The following IL4R variants were observed in gnomAD, a reference collection of about 807,000 sequenced individuals.
IL4R encodes interleukin 4 receptor, also known as interleukin-4 receptor subunit alpha.
A neutral mutation model predicts 41.5 loss-of-function variants in IL4R; 17 were observed. The observed-to-expected ratio is 0.41, with a 90% confidence interval of 0.28 to 0.61. IL4R has a LOEUF of 0.61. IL4R is among the 20% of genes least tolerant of loss of function. IL4R has a pLI of 0.31. For missense variants in IL4R, 974 were observed against 1,043.1 expected (o/e 0.93, Z 0.91); for synonymous variants, 402 against 422.9 (o/e 0.95, Z 0.61).
chr16:27,344,082 A>G (rs995603994), intron 4 of IL4R, among the ~76,000 whole-genome samples: 1 of 152,018 alleles, frequency 6.6e-6, no homozygotes, highest in African/African-American at 2.4e-5. Flanking sequence ...AGGTGGGCAG[A>G]TCACTTGAGG....
In IL4R at chr16:27,362,766, C is replaced by T. The variant is rs148476358; in HGVS notation, c.1414C>T (p.Pro472Ser). 14 of 1,614,008 alleles carry T rather than the reference C, an allele frequency of 8.7e-6. No individual in the cohort carries two copies. The highest frequency in any genetic ancestry group is 1.2e-5 in the Non-Finnish European group (14 of 1,180,028). Residue 472 changes from proline to serine, a missense_variant, in exon 11 of 11, where the codon CCT becomes TCT. By Grantham distance (74) the Pro-to-Ser change is moderately conservative (BLOSUM62 -1). Coordinates refer to ENST00000395762, the MANE Select transcript of IL4R (RefSeq NM_000418.4). The stretch of plus-strand genomic sequence containing the variant: ...GCCTCTCCACCTGGAGCCAAGTCCT[C>T]CTGCCAGCCCGACCCAGAGTCCAGA... ...EQPLHLEPSP[P>S]ASPTQSPDNL... is the part of the protein sequence containing the mutation.
At chr16:27,319,208 C>T (rs1258314724) in intron 1 of IL4R, among the ~76,000 whole-genome samples, 2 of 152,198 alleles carry the variant, frequency 1.3e-5, no homozygotes, top group Non-Finnish European at 2.9e-5. Context: ...TGGAACCAAA[C>T]AAGAAAGAGG....
At position 27,364,708 on chromosome 16, in the gene IL4R, T is replaced by A. The variant is rs1284223762; in HGVS notation, c.*878T>A. 6.6e-6 allele frequency: 1 copy of A among 152,252 alleles called. No individual in the cohort carries two copies. Among genetic ancestry groups the A allele is most frequent in the African/African-American group, 2.4e-5 (1 of 41,462 alleles). 9.4% of individuals were successfully genotyped at this position (152,252 alleles called of 1,614,324 possible). A position where few individuals can be genotyped will look rare whatever the true frequency, so the allele number is the denominator to read the frequency against. On this transcript the variant is annotated 3_prime_UTR_variant, in exon 11 of 11. Transcript: ENST00000395762. ...TGTGTTTTAGTTTCATCACCTGTTA[T>A]CTGTGTTTGCTGAGGAGAGTGGAAC...
chr16:27,332,866 TTC>T (rs2085152032), intron 2 of IL4R, among the ~76,000 whole-genome samples: 1 of 152,208 alleles, frequency 6.6e-6, no homozygotes, highest in East Asian at 1.9e-4. Context: ...AGGCTATATT[TTC>T]ATTTTTATTT....
chr16:27,334,739 T>G (rs2085208262), intron 2 of IL4R, among the ~76,000 whole-genome samples: 1 of 152,052 alleles, frequency 6.6e-6, no homozygotes, highest in Non-Finnish European at 1.5e-5. Context: ...CGCCCCTCCT[T>G]TACTTGAGAC....
intron 2 of IL4R, among the ~76,000 whole-genome samples, chr16:27,335,753 T>G (rs2085244285): frequency 6.6e-6 from 1 of 152,148 alleles, no homozygotes; most frequent in Non-Finnish European, 1.5e-5. Context: ...GGCGCTCTGG[T>G]TCCTTTCAGT....
intron 1 of IL4R, among the ~76,000 whole-genome samples, chr16:27,319,316 C>T (rs1018088419): frequency 1.3e-5 from 2 of 152,196 alleles, no homozygotes; most frequent in Non-Finnish European, 2.9e-5. Context: ...TACTCTCATG[C>T]AAATGTTACA....
chr16:27,338,892 C>T lies in IL4R; in HGVS notation c.-18-1294C>T, dbSNP rs145577308. On this transcript the variant is annotated intron_variant, in intron 2 of 10. Transcript: ENST00000395762. The stretch of plus-strand genomic sequence containing the variant: ...TTTTGAGATGGAGTCTTGCTCTTGT[C>T]GCCCAGGCTGGAGTACAATGACGCG... Among the ~76,000 whole-genome samples the T allele has an allele frequency of 5.3e-3, 808 of 151,996 alleles. 17 individuals carry two copies. Among genetic ancestry groups the T allele is most frequent in the Non-Finnish European group, 5.2e-3 (356 of 67,938 alleles).
At position 27,363,876 on chromosome 16, in the gene IL4R, T is replaced by C; in HGVS notation, c.*46T>C. ...GAGTCTGCAGATGAGGACTAGGGCT[T>C]ATCCATGCCTGGGAAATGCCACCTC... On this transcript the variant is annotated 3_prime_UTR_variant, in exon 11 of 11. Transcript: ENST00000395762. 1 of 1,533,356 alleles carries C rather than the reference T, an allele frequency of 6.5e-7. No homozygotes were observed. The highest frequency in any genetic ancestry group is 8.7e-7 in the Non-Finnish European group (1 of 1,147,110). The allele number at this position is 1,533,356 out of a possible 1,614,324, so 95.0% of individuals were successfully genotyped here. A position where few individuals can be genotyped will look rare whatever the true frequency, so the allele number is the denominator to read the frequency against.
chr16:27,320,532 G>A (rs2084784192), intron 1 of IL4R, among the ~76,000 whole-genome samples: 3 of 152,202 alleles, frequency 2.0e-5, no homozygotes, highest in Middle Eastern at 3.4e-3. Context: ...TGGGTGACAC[G>A]GCTCCTAAGT....
chr16:27,346,384 G>T, intron 5 of IL4R, 83 bp from the exon 6 acceptor site: 1 of 1,442,516 alleles, frequency 6.9e-7, no homozygotes, highest in Middle Eastern at 2.2e-4. Flanking sequence ...CTGGGTGGTG[G>T]CTGTGGTTTG....
rs1042223633 is a variant in IL4R at position 27,313,978 on chromosome 16, C to T, written c.-194C>T. On this transcript the variant is annotated 5_prime_UTR_variant, in exon 1 of 11. Transcript: ENST00000395762. ...AGGGCCACCCAGGGGTCCCCCACTT[C>T]CCGCTTGGGCGCCCGGACGGCGAAT... The T allele has an allele frequency of 1.0e-6, 1 of 984,836 alleles. No homozygotes were observed. The allele number at this position is 984,836 out of a possible 1,614,324, so 61.0% of individuals were successfully genotyped here.
intron 2 of IL4R, among the ~76,000 whole-genome samples, chr16:27,333,860 C>T (rs894751352): frequency 6.6e-6 from 1 of 150,920 alleles, no homozygotes; most frequent in African/African-American, 2.4e-5. Context: ...CGCTGAGACC[C>T]CTTCCAACTC....
At chr16:27,323,201 G>GTCC (rs2084863302) in intron 1 of IL4R, among the ~76,000 whole-genome samples, 1 of 152,242 alleles carries the variant, frequency 6.6e-6, no homozygotes, top group African/African-American at 2.4e-5. Context: ...AGGGGGCAAA[G>GTCC]TCCTGGTCAT....
chr16:27,359,290 G>A (rs1184407332), intron 9 of IL4R, among the ~76,000 whole-genome samples: 2 of 152,190 alleles, frequency 1.3e-5, no homozygotes, highest in Non-Finnish European at 2.9e-5. Flanking sequence ...TCATTCCCTG[G>A]GGAGGTGCCA....
chr16:27,355,922 C>T lies in IL4R; in HGVS notation c.770+15C>T, dbSNP rs1036695860. 2.5e-6 allele frequency: 4 copies of T among 1,589,924 alleles called. No homozygotes were observed. The African/African-American group carries it at 5.4e-5, about 21-fold the overall frequency. On this transcript the variant is annotated intron_variant, in intron 8 of 10. Transcript: ENST00000395762. ...AGCATCACCAAGTGAGTCCTGGGCC[C>T]AGTGCTGCCGAGCAGTCCCTCTGGA...
intron 2 of IL4R, among the ~76,000 whole-genome samples, chr16:27,333,879 C>T (rs1240562621): frequency 2.1e-5 from 3 of 139,678 alleles, no homozygotes; most frequent in African/African-American, 8.3e-5. Context: ...TCCACCACTT[C>T]AGGAATCTCT....
chr16:27,363,247 A>G lies in IL4R; in HGVS notation c.1895A>G (p.Lys632Arg). The G allele has an allele frequency of 6.2e-7, 1 of 1,604,388 alleles. No homozygotes were observed. The highest frequency in any genetic ancestry group is 8.5e-7 in the Non-Finnish European group (1 of 1,174,746). Residue 632 changes from lysine (K) to arginine (R), a missense_variant, in exon 11 of 11, where the codon AAG (lysine) becomes AGG (arginine). Transcript: ENST00000395762. ...FGASSGEEGY[K>R]PFQDLIPGCP... ...GCTAGCAGTGGGGAAGAGGGGTATAAGCCTTTCCAAGACCTCATTCCTGGC... is the reference window on the plus strand; with the variant it reads ...GCTAGCAGTGGGGAAGAGGGGTATAGGCCTTTCCAAGACCTCATTCCTGGC...
intron 1 of IL4R, among the ~76,000 whole-genome samples, chr16:27,317,447 T>C (rs2084680514): frequency 6.6e-6 from 1 of 152,146 alleles, no homozygotes; most frequent in African/African-American, 2.4e-5. Context: ...AGTGGAGACA[T>C]GCCCAGCCAC....
Sources: gnomAD v4.1 joint callset for allele counts (sites outside exome capture counted in the v4.1 genomes callset) on GRCh38, gnomAD v4.1.1 for gene constraint, MANE v1.5 for transcripts, NCBI Gene and HGNC (gene_info 2026-07-23, HGNC 2026-07-21) for gene names.